Variants in TMEM26 observed in about 807,000 individuals in gnomAD.
TMEM26 encodes the protein transmembrane protein 26.
In TMEM26, 38 loss-of-function variants were observed where a neutral mutation model predicts 28.8. The observed-to-expected ratio is 1.32, with a 90% CI of 1.02 to 1.73. The LOEUF (loss-of-function observed/expected upper bound fraction) is 1.73. TMEM26 is among the 40% of genes most tolerant of loss of function. The pLI, the probability that TMEM26 is intolerant of heterozygous loss-of-function variation, is 0.00. For synonymous variants in TMEM26, 227 were observed against 182.9 expected (o/e 1.24, Z -1.95); for missense variants, 518 against 447.1 (o/e 1.16, Z -1.43).
At chr10:61,418,969 G>A (rs920885917) in intron 4 of TMEM26, among the ~76,000 whole-genome samples, 4 of 152,072 alleles carry the variant, frequency 2.6e-5, no homozygotes, top group African/African-American at 9.7e-5. Flanking sequence ...GAAGTCATAA[G>A]GGCTCATAGT....
intron 4 of TMEM26, among the ~76,000 whole-genome samples, chr10:61,418,244 G>C (rs1399540622): frequency 2.0e-5 from 3 of 151,978 alleles, no homozygotes; most frequent in Non-Finnish European, 2.9e-5. Flanking sequence ...TGTTAGGATG[G>C]AGGTTGGTCA....
At chr10:61,445,789 T>C (rs1405768068) in intron 1 of TMEM26, among the ~76,000 whole-genome samples, 1 of 152,150 alleles carries the variant, frequency 6.6e-6, no homozygotes, top group South Asian at 2.1e-4. Context: ...TAGTGGGGAA[T>C]ATACACATGG....
chr10:61,416,004 T>C (rs1839645863), intron 4 of TMEM26: 1 of 406,388 alleles, frequency 2.5e-6, no homozygotes, highest in Non-Finnish European at 4.9e-6. Context: ...GTTGCACCTG[T>C]GAGAATTCAA....
chr10:61,409,935 C>A lies in TMEM26; in HGVS notation c.*387G>T, dbSNP rs770550459. 2 of 192,994 alleles carry A rather than the reference C, an allele frequency of 1.0e-5. No individual in the cohort carries two copies. The highest frequency in any genetic ancestry group is 2.1e-5 in the Non-Finnish European group (2 of 93,340). 12.0% of individuals were successfully genotyped at this position (192,994 alleles called of 1,614,324 possible). A position where few individuals can be genotyped will look rare whatever the true frequency, so the allele number is the denominator to read the frequency against. ...GAGGAACATTGCAGAAAAGATCAGA[C>A]GAAATAGTCTGACAATGGAGGCAAA... On this transcript the variant is annotated 3_prime_UTR_variant, in exon 6 of 6. Transcript: ENST00000399298.
chr10:61,430,085 T>G (rs1427524287), intron 3 of TMEM26, among the ~76,000 whole-genome samples: 5 of 152,070 alleles, frequency 3.3e-5, no homozygotes, highest in Admixed American at 2.6e-4. Context: ...ATTAGTACTA[T>G]GAAACTTTGC....
chr10:61,445,850 C>G (rs7898869), intron 1 of TMEM26, among the ~76,000 whole-genome samples: 78,174 of 151,822 alleles, frequency 0.51, 22,376 homozygotes, highest in African/African-American at 0.78. Context: ...TGGAAAAAAA[C>G]TTAAGGTATT....
chr10:61,442,228 G>A (rs948169665), intron 1 of TMEM26, among the ~76,000 whole-genome samples: 1 of 152,030 alleles, frequency 6.6e-6, no homozygotes, highest in Admixed American at 6.6e-5. Flanking sequence ...GATATGTCAT[G>A]ACATTTAGCA....
At chr10:61,417,740 A>G (rs560334799) in intron 4 of TMEM26, among the ~76,000 whole-genome samples, 1 of 152,158 alleles carries the variant, frequency 6.6e-6, no homozygotes, top group East Asian at 1.9e-4. Flanking sequence ...TTGGGGGGAA[A>G]AAAGACTGCA....
chr10:61,411,010 C>G (rs1839560693), intron 5 of TMEM26, among the ~76,000 whole-genome samples: 3 of 152,146 alleles, frequency 2.0e-5, no homozygotes, highest in African/African-American at 7.2e-5. Context: ...TAAATAGATT[C>G]TAGGAGCCAG....
chr10:61,410,388 C>T lies in TMEM26; in HGVS notation c.1041G>A (p.Lys347=). Residue 347 remains lysine (K), a synonymous_variant, in exon 6 of 6, where the codon AAG becomes AAA. Coordinates refer to ENST00000399298, the MANE Select transcript of TMEM26 (RefSeq NM_178505.8). ...CCCGCAAAGGAATAGCCAGGCCCTC[C>T]TTAGACTCGTTCTGCCAGTCCCGCT... ...PSQRDWQNES[K]EGLAIPLRGS... is the part of the protein sequence containing the mutation. 6.2e-7 allele frequency: 1 copy of T among 1,613,992 alleles called. No individual in the cohort carries two copies. Among genetic ancestry groups the T allele is most frequent in the South Asian group, 1.1e-5 (1 of 91,068 alleles).
intron 1 of TMEM26, among the ~76,000 whole-genome samples, chr10:61,451,203 T>C (rs916952037): frequency 6.6e-6 from 1 of 152,298 alleles, no homozygotes. Context: ...CGGTTGTAAG[T>C]CACATGTCAG....
Position 61,453,018 on chromosome 10 carries a change from C to T in TMEM26, c.64G>A (p.Val22Ile). The change falls in exon 1 of 6, where the codon GTC becomes ATC. Residue 22 changes from valine to isoleucine, a missense_variant. By Grantham distance (29) the Val-to-Ile change is conservative. Transcript: ENST00000399298. ...TRLLFLLHSL[V>I]GVWRVTEVKK... Reference sequence around the variant, plus strand: ...ACCTCGGTCACTCGCCAGACCCCGACCAGCGAGTGCAGCAGGAACAGCAAC... The same window carrying T: ...ACCTCGGTCACTCGCCAGACCCCGATCAGCGAGTGCAGCAGGAACAGCAAC... 1.9e-6 allele frequency: 3 copies of T among 1,613,962 alleles called. No individual in the cohort carries two copies. Among genetic ancestry groups the T allele is most frequent in the Non-Finnish European group, 2.5e-6 (3 of 1,180,036 alleles).
intron 4 of TMEM26, among the ~76,000 whole-genome samples, chr10:61,421,819 G>T (rs1295740587): frequency 1.3e-5 from 2 of 152,076 alleles, no homozygotes; most frequent in African/African-American, 4.8e-5. Flanking sequence ...GTGGTATTTT[G>T]CTATAATAGC....
intron 4 of TMEM26, among the ~76,000 whole-genome samples, chr10:61,418,767 A>G (rs1219165948): frequency 1.3e-5 from 2 of 152,096 alleles, no homozygotes; most frequent in African/African-American, 2.4e-5. Flanking sequence ...TAAATTTAAT[A>G]GAGAGATTCT....
chr10:61,435,716 T>C (rs1839994165), intron 2 of TMEM26, among the ~76,000 whole-genome samples: 1 of 152,248 alleles, frequency 6.6e-6, no homozygotes, highest in Non-Finnish European at 1.5e-5. Flanking sequence ...ATTGCATTTA[T>C]ATAGCTGACT....
chr10:61,432,493 T>C (rs1839938031), intron 2 of TMEM26, among the ~76,000 whole-genome samples: 1 of 152,116 alleles, frequency 6.6e-6, no homozygotes, highest in Admixed American at 6.6e-5. Flanking sequence ...AATGTAGCTG[T>C]ACCCAATGAA....
intron 2 of TMEM26, among the ~76,000 whole-genome samples, chr10:61,434,506 C>G (rs1172950205): frequency 6.6e-6 from 1 of 152,284 alleles, no homozygotes; most frequent in African/African-American, 2.4e-5. Context: ...ATTCAAATCA[C>G]TAGAGCTTAT....
Position 61,448,126 on chromosome 10 carries a change from G to A in TMEM26, c.191+4765C>T, listed in dbSNP as rs189715162. On this transcript the variant is annotated intron_variant, in intron 1 of 5. Transcript: ENST00000399298. ...GTGAAAAGACTCTGTGCCTTCTCCA[G>A]AGAAAACTACTCAAGGTTGTCTAAT... Among the ~76,000 whole-genome samples, 400 of 152,348 alleles carry A rather than the reference G, an allele frequency of 2.6e-3. 8 individuals carry two copies. Among genetic ancestry groups the A allele is most frequent in the Admixed American group, 0.024 (371 of 15,306 alleles).
At position 61,453,212 on chromosome 10, in the gene TMEM26, C is replaced by T; in HGVS notation, c.-131G>A. The stretch of plus-strand genomic sequence containing the variant: ...TGCTGCTGCTTGTGGTCCCTTCTCA[C>T]CCTCAGCGCCCGATGCCGGTAGAAC... On this transcript the variant is annotated 5_prime_UTR_variant, in exon 1 of 6. It adds an upstream start codon to the 5' untranslated region. Coordinates refer to ENST00000399298, the MANE Select transcript of TMEM26 (RefSeq NM_178505.8). 1.1e-6 allele frequency: 1 copy of T among 913,782 alleles called. No homozygotes were observed. The highest frequency in any genetic ancestry group is 1.6e-6 in the Non-Finnish European group (1 of 616,866). The allele number at this position is 913,782 out of a possible 1,614,324, so 56.6% of individuals were successfully genotyped here.
Sources: gnomAD v4.1 joint callset for allele counts (sites outside exome capture counted in the v4.1 genomes callset) on GRCh38, gnomAD v4.1.1 for gene constraint, MANE v1.5 for transcripts, NCBI Gene and HGNC (gene_info 2026-07-23, HGNC 2026-07-21) for gene names.